The following LRMDA variants were observed in gnomAD, a reference collection of about 807,000 sequenced individuals.
LRMDA encodes leucine-rich melanocyte differentiation-associated protein.
Under a neutral mutation model 29.8 loss-of-function variants are expected in LRMDA, and 18 were observed. The observed-to-expected ratio is 0.60, with a 90% CI of 0.42 to 0.90. The LOEUF (loss-of-function observed/expected upper bound fraction) is 0.90, where lower values mean the gene tolerates loss of function less well. LRMDA is among the 40% of genes least tolerant of loss of function. LRMDA has a pLI of 0.00. For synonymous variants in LRMDA, 125 were observed against 109.4 expected (o/e 1.14, Z -0.89); for missense variants, 273 against 273.9 (o/e 1.00, Z 0.02).
rs533578790 is a variant in LRMDA, at chr10:75,616,098, A to T, written c.131+177604A>T. ...TTCCACATGGGTGGGGAGGGCTCAC[A>T]GTCATGGCGGAAGGCAAAGGGGATA... On this transcript the variant is annotated intron_variant, in intron 2 of 6. Transcript: ENST00000611255. Among the ~76,000 whole-genome samples, 4 of 152,328 alleles carry T rather than the reference A, an allele frequency of 2.6e-5. No individual in the cohort carries two copies. The South Asian group carries it at 8.3e-4, about 32-fold the overall frequency.
intron 6 of LRMDA, among the ~76,000 whole-genome samples, chr10:76,549,309 T>TGCTGACTGACTTCCTTCCCC (rs1373812575): frequency 1.3e-5 from 2 of 152,144 alleles, no homozygotes; most frequent in African/African-American, 4.8e-5. Context: ...ATCCCTTCCC[T>TGCTGACTGACTTCCTTCCCC]GCTGACTGAC....
chr10:75,699,085 C>T (rs1316247033), intron 2 of LRMDA, among the ~76,000 whole-genome samples: 1 of 151,708 alleles, frequency 6.6e-6, no homozygotes, highest in East Asian at 1.9e-4. Flanking sequence ...CCTGTAGTCC[C>T]AGCTACTCGG....
intron 5 of LRMDA, among the ~76,000 whole-genome samples, chr10:76,174,863 T>C (rs942580978): frequency 1.4e-5 from 2 of 148,020 alleles, no homozygotes; most frequent in Non-Finnish European, 3.0e-5. Context: ...CTCACGCCTG[T>C]AATCCTAGCA....
At chr10:76,146,367 G>A (rs1850320958) in intron 5 of LRMDA, among the ~76,000 whole-genome samples, 1 of 151,756 alleles carries the variant, frequency 6.6e-6, no homozygotes, top group South Asian at 2.1e-4. Context: ...ATATGAATCT[G>A]GGTGCTCCTG....
chr10:76,420,007 T>A (rs541735073), intron 6 of LRMDA, among the ~76,000 whole-genome samples: 1 of 152,242 alleles, frequency 6.6e-6, no homozygotes, highest in Admixed American at 6.5e-5. Flanking sequence ...TGACAAAGAT[T>A]GTCCTAGAAT....
At chr10:75,767,845 G>C (rs1251644828) in intron 2 of LRMDA, among the ~76,000 whole-genome samples, 1 of 152,174 alleles carries the variant, frequency 6.6e-6, no homozygotes, top group Non-Finnish European at 1.5e-5. Flanking sequence ...TCTCTTGGAA[G>C]GTCCTAAATG....
intron 2 of LRMDA, among the ~76,000 whole-genome samples, chr10:75,461,515 G>C (rs554106237): frequency 6.6e-6 from 1 of 152,092 alleles, no homozygotes; most frequent in Non-Finnish European, 1.5e-5. Context: ...AGGTACTTTG[G>C]GGGTAGCCTG....
chr10:76,205,302 G>T (rs1402984813), intron 5 of LRMDA, among the ~76,000 whole-genome samples: 1 of 152,140 alleles, frequency 6.6e-6, no homozygotes, highest in Non-Finnish European at 1.5e-5. Context: ...TCCATATAAA[G>T]AAGGATATAT....
At chr10:76,482,509 T>G (rs1303866126) in intron 6 of LRMDA, among the ~76,000 whole-genome samples, 2 of 151,946 alleles carry the variant, frequency 1.3e-5, no homozygotes, top group Non-Finnish European at 2.9e-5. Context: ...TCCATGTTGT[T>G]GCATGTAGCA....
intron 5 of LRMDA, among the ~76,000 whole-genome samples, chr10:76,108,501 C>A (rs918317176): frequency 1.3e-5 from 2 of 151,978 alleles, no homozygotes; most frequent in Admixed American, 1.3e-4. Context: ...TGTGTATATA[C>A]GTGCAAAGAT....
intron 2 of LRMDA, among the ~76,000 whole-genome samples, chr10:76,023,736 C>G (rs1203869180): frequency 6.6e-6 from 1 of 152,230 alleles, no homozygotes; most frequent in Non-Finnish European, 1.5e-5. Context: ...CAGAGGCTCT[C>G]CCGAGCTGTC....
chr10:76,298,270 C>G (rs963839696), intron 5 of LRMDA, among the ~76,000 whole-genome samples: 14 of 152,170 alleles, frequency 9.2e-5, no homozygotes, highest in African/African-American at 2.9e-4. Context: ...AACCAGTTAG[C>G]AGCATAGGGA....
At chr10:76,164,981 T>C (rs1396194389) in intron 5 of LRMDA, among the ~76,000 whole-genome samples, 1 of 152,180 alleles carries the variant, frequency 6.6e-6, no homozygotes, top group East Asian at 1.9e-4. Flanking sequence ...GTTTTTGTTT[T>C]TGTTTATTGA....
At chr10:76,387,120 C>CAATTTGAT (rs1841668855) in intron 6 of LRMDA, among the ~76,000 whole-genome samples, 1 of 152,058 alleles carries the variant, frequency 6.6e-6, no homozygotes, top group Non-Finnish European at 1.5e-5. Flanking sequence ...TTCTGGAAAG[C>CAATTTGAT]AATTTGATAA....
chr10:76,049,853 A>G (rs1205425251), intron 4 of LRMDA, among the ~76,000 whole-genome samples: 1 of 152,184 alleles, frequency 6.6e-6, no homozygotes, highest in African/African-American at 2.4e-5. Flanking sequence ...TAGAGCCTCT[A>G]TGTAAATTTA....
rs562877138 is a variant in LRMDA, at chr10:76,523,796, C to T, written c.602-33413C>T. On this transcript the variant is annotated intron_variant, in intron 6 of 6. Transcript: ENST00000611255. ...GTTTTTCCCTATTTCTGGTTTTTGA[C>T]GTTCCTTCCCTGCTGCCATTTCCCA... 2.0e-5 allele frequency among the ~76,000 whole-genome samples: 3 copies of T among 152,276 alleles called. No individual in the cohort carries two copies. In the East Asian group the frequency reaches 5.8e-4, roughly 29 times the overall value.
intron 2 of LRMDA, among the ~76,000 whole-genome samples, chr10:75,898,320 A>G (rs996374263): frequency 4.6e-5 from 7 of 152,212 alleles, no homozygotes; most frequent in Non-Finnish European, 8.8e-5. Flanking sequence ...GGACCTGGTA[A>G]GGGAAAGGGA....
At chr10:76,093,029 G>T (rs1230451490) in intron 5 of LRMDA, among the ~76,000 whole-genome samples, 1 of 152,030 alleles carries the variant, frequency 6.6e-6, no homozygotes, top group Non-Finnish European at 1.5e-5. Flanking sequence ...AACTAAGTTG[G>T]AGAGTTATTG....
At chr10:75,638,668 A>G (rs16932431) in intron 2 of LRMDA, among the ~76,000 whole-genome samples, 27,353 of 152,208 alleles carry the variant, frequency 0.18, 2,542 homozygotes, top group East Asian at 0.31. Context: ...GAAATTGCTT[A>G]TATAATTATA....
Sources: gnomAD v4.1 joint callset for allele counts (sites outside exome capture counted in the v4.1 genomes callset) on GRCh38, gnomAD v4.1.1 for gene constraint, MANE v1.5 for transcripts, NCBI Gene and HGNC (gene_info 2026-07-23, HGNC 2026-07-21) for gene names.